MEOX2: variants seen among roughly 807,000 people sequenced by gnomAD.
The protein encoded by MEOX2 is homeobox protein MOX-2.
MEOX2 carries 11 observed loss-of-function variants against 27.0 expected under a neutral mutation model. The ratio of observed to expected loss-of-function variants is 0.41; its 90% CI spans 0.26 to 0.68. The LOEUF (loss-of-function observed/expected upper bound fraction) is 0.68. Ranked by LOEUF, MEOX2 falls within the 30% of genes least tolerant of loss-of-function variation. MEOX2 has a pLI of 0.33. For synonymous variants in MEOX2, 189 were observed against 155.4 expected (o/e 1.22, Z -1.61); for missense variants, 436 against 385.4 (o/e 1.13, Z -1.10).
chr7:15,628,140 T>C (rs1196029845), intron 1 of MEOX2, among the ~76,000 whole-genome samples: 1 of 152,108 alleles, frequency 6.6e-6, no homozygotes, highest in African/African-American at 2.4e-5. Flanking sequence ...ATGCAGGATC[T>C]TTTTAGATTA....
chr7:15,641,008 G>T (rs913096449), intron 1 of MEOX2, among the ~76,000 whole-genome samples: 15 of 152,048 alleles, frequency 9.9e-5, no homozygotes, highest in African/African-American at 3.6e-4. Context: ...TGTTGTTGTG[G>T]GTTTGCCATA....
At chr7:15,672,025 G>A (rs1370442861) in intron 1 of MEOX2, among the ~76,000 whole-genome samples, 3 of 151,808 alleles carry the variant, frequency 2.0e-5, no homozygotes, top group Non-Finnish European at 2.9e-5. Context: ...CCCAGGAGGC[G>A]GGGGTTGCAA....
intron 1 of MEOX2, among the ~76,000 whole-genome samples, chr7:15,672,007 C>T (rs549100349): frequency 6.6e-6 from 1 of 151,936 alleles, no homozygotes; most frequent in Admixed American, 6.6e-5. Context: ...GAAGGAGAAT[C>T]ACTTGAACCC....
intron 2 of MEOX2, among the ~76,000 whole-genome samples, chr7:15,624,756 G>T (rs1583745272): frequency 6.6e-6 from 1 of 152,084 alleles, no homozygotes; most frequent in Non-Finnish European, 1.5e-5. Flanking sequence ...TAAAACTTTG[G>T]TTATTATTTG....
At chr7:15,662,995 A>G (rs1781940232) in intron 1 of MEOX2, among the ~76,000 whole-genome samples, 1 of 152,128 alleles carries the variant, frequency 6.6e-6, no homozygotes, top group Admixed American at 6.5e-5. Flanking sequence ...CATTTTATCA[A>G]ATAATTCAAG....
chr7:15,668,470 G>A (rs941945395), intron 1 of MEOX2, among the ~76,000 whole-genome samples: 1 of 151,810 alleles, frequency 6.6e-6, no homozygotes, highest in Non-Finnish European at 1.5e-5. Flanking sequence ...TAGTAGTTAA[G>A]TTTGTTTTTG....
chr7:15,665,825 G>A (rs191334458), intron 1 of MEOX2, among the ~76,000 whole-genome samples: 1 of 152,206 alleles, frequency 6.6e-6, no homozygotes, highest in East Asian at 1.9e-4. Context: ...AATCCTCAAA[G>A]GTAAAATTTC....
At chr7:15,616,852 A>G (rs1342678554) in intron 2 of MEOX2, among the ~76,000 whole-genome samples, 2 of 151,940 alleles carry the variant, frequency 1.3e-5, no homozygotes, top group Admixed American at 1.3e-4. Flanking sequence ...CAAAGATGGG[A>G]GGTGTTGAAG....
At chr7:15,673,596 T>TTAAA (rs1491519543) in intron 1 of MEOX2, among the ~76,000 whole-genome samples, 1 of 7,978 alleles carries the variant, frequency 1.3e-4, no homozygotes, top group Non-Finnish European at 2.5e-4. Flanking sequence ...AACAAGTCTA[T>TTAAA]CAAAAAAAAA....
At chr7:15,675,916 T>C (rs1562615974) in intron 1 of MEOX2, 3 of 152,178 alleles carry the variant, frequency 2.0e-5, no homozygotes, top group African/African-American at 7.2e-5. Flanking sequence ...TTTAAACTTC[T>C]CTTGTTTTAG....
intron 2 of MEOX2, among the ~76,000 whole-genome samples, chr7:15,615,567 G>A (rs1053075068): frequency 2.6e-5 from 4 of 152,028 alleles, no homozygotes; most frequent in African/African-American, 9.7e-5. Flanking sequence ...ACGCTACTGA[G>A]TTTAATTACC....
At chr7:15,671,924 C>A (rs544405314) in intron 1 of MEOX2, among the ~76,000 whole-genome samples, 1 of 151,706 alleles carries the variant, frequency 6.6e-6, no homozygotes, top group African/African-American at 2.4e-5. Context: ...CTCTACTAAT[C>A]TCTACTAATA....
At chr7:15,678,453 G>C (rs532641206) in intron 1 of MEOX2, among the ~76,000 whole-genome samples, 1 of 152,230 alleles carries the variant, frequency 6.6e-6, no homozygotes, top group South Asian at 2.1e-4. Flanking sequence ...TTTCCTGTTT[G>C]TGTTACCTAC....
chr7:15,617,891 T>C (rs1225942277), intron 2 of MEOX2, among the ~76,000 whole-genome samples: 2 of 152,090 alleles, frequency 1.3e-5, no homozygotes, highest in African/African-American at 4.8e-5. Flanking sequence ...TTTCATATGT[T>C]TTTAAAACAA....
chr7:15,634,312 T>C (rs1398267600), intron 1 of MEOX2, among the ~76,000 whole-genome samples: 2 of 151,950 alleles, frequency 1.3e-5, no homozygotes, highest in Admixed American at 1.3e-4. Context: ...GTTCTGGGCT[T>C]TGTAGAATGT....
intron 1 of MEOX2, among the ~76,000 whole-genome samples, chr7:15,637,061 A>C (rs767463314): frequency 1.6e-4 from 24 of 152,116 alleles, no homozygotes; most frequent in Admixed American, 3.3e-4. Flanking sequence ...ATGATATTTT[A>C]GAGACTAACT....
chr7:15,627,043 C>A, intron 1 of MEOX2, 125 bp from the exon 2 acceptor site: 1 of 833,144 alleles, frequency 1.2e-6, no homozygotes, highest in Non-Finnish European at 1.8e-6. Flanking sequence ...AAATAGAGAC[C>A]AAAGACAGCA....
intron 1 of MEOX2, among the ~76,000 whole-genome samples, chr7:15,642,382 T>A (rs1781576047): frequency 6.6e-6 from 1 of 152,158 alleles, no homozygotes; most frequent in African/African-American, 2.4e-5. Context: ...CTGAATTTCA[T>A]TTTTTTCTGT....
At chr7:15,665,513 T>C (rs1390403333) in intron 1 of MEOX2, among the ~76,000 whole-genome samples, 1 of 152,200 alleles carries the variant, frequency 6.6e-6, no homozygotes, top group Non-Finnish European at 1.5e-5. Flanking sequence ...AATATATTAA[T>C]GTTAAGTTGA....
Sources: gnomAD v4.1 joint callset for allele counts (sites outside exome capture counted in the v4.1 genomes callset) on GRCh38, gnomAD v4.1.1 for gene constraint, MANE v1.5 for transcripts, NCBI Gene and HGNC (gene_info 2026-07-23, HGNC 2026-07-21) for gene names.